ESR1: variants seen among roughly 807,000 people sequenced by gnomAD.
ESR1 encodes estrogen receptor 1.
A neutral mutation model predicts 52.7 loss-of-function variants in ESR1; 12 were observed. The ratio of observed to expected loss-of-function variants is 0.23; its 90% CI spans 0.15 to 0.37. The LOEUF is 0.37. Ranked by LOEUF, ESR1 falls within the 10% of genes least tolerant of loss-of-function variation. ESR1 has a pLI of 1.00. For synonymous variants in ESR1, 305 were observed against 316.8 expected, an observed-to-expected ratio of 0.96 and a Z score of 0.39; for missense variants, 584 against 779.7, an observed-to-expected ratio of 0.75 and a Z score of 2.99.
intron 2 of ESR1, among the ~76,000 whole-genome samples, chr6:151,736,039 T>A (rs1485524410): frequency 1.3e-5 from 2 of 152,224 alleles, no homozygotes; most frequent in East Asian, 3.8e-4. Flanking sequence ...CATGTGGAAC[T>A]GTTGAGTCAA....
chr6:151,974,441 C>T (rs1346892339), intron 4 of ESR1, among the ~76,000 whole-genome samples: 1 of 152,200 alleles, frequency 6.6e-6, no homozygotes, highest in Non-Finnish European at 1.5e-5. Context: ...AACACGTGGT[C>T]TGATTACAGG....
chr6:152,116,531 A>G (rs1053921411), intron 6 of ESR1, among the ~76,000 whole-genome samples: 12 of 152,360 alleles, frequency 7.9e-5, no homozygotes, highest in South Asian at 6.2e-4. Context: ...GAGATGATGT[A>G]GAGAGAGTAG....
chr6:151,680,006 ACTTT>A (rs1348001636), intron 1 of ESR1, among the ~76,000 whole-genome samples: 2 of 151,354 alleles, frequency 1.3e-5, no homozygotes, highest in Non-Finnish European at 2.9e-5. Context: ...TCACCATCTG[ACTTT>A]CTTTCTATAT....
At chr6:152,011,371 A>C (rs2042752088) in intron 4 of ESR1, among the ~76,000 whole-genome samples, 1 of 152,198 alleles carries the variant, frequency 6.6e-6, no homozygotes, top group African/African-American at 2.4e-5. Context: ...ACAAGTTTTC[A>C]CACTGAGTAT....
At chr6:151,755,629 CTTTT>C (rs1784226200) in intron 2 of ESR1, among the ~76,000 whole-genome samples, 1 of 150,098 alleles carries the variant, frequency 6.7e-6, no homozygotes, top group African/African-American at 2.5e-5. Context: ...TCTTTTCTTT[CTTTT>C]TCTTTTCTTT....
intron 1 of ESR1, among the ~76,000 whole-genome samples, chr6:151,691,791 C>T (rs1005260705): frequency 3.3e-5 from 5 of 152,176 alleles, no homozygotes; most frequent in Admixed American, 6.5e-5. Context: ...GTTTGAGAAC[C>T]ATGGATGGTT....
intron 2 of ESR1, among the ~76,000 whole-genome samples, chr6:151,761,462 T>G (rs141152437): frequency 6.0e-4 from 92 of 152,332 alleles, no homozygotes; most frequent in African/African-American, 2.1e-3. Context: ...TCACAGGTTT[T>G]TGGGCATATT....
At chr6:152,023,265 CT>C (rs1392222818) in intron 5 of ESR1, among the ~76,000 whole-genome samples, 1 of 152,142 alleles carries the variant, frequency 6.6e-6, no homozygotes, top group Admixed American at 6.6e-5. Context: ...GGCTCTAGTT[CT>C]TGATAGCAAC....
intron 4 of ESR1, among the ~76,000 whole-genome samples, chr6:151,977,990 G>C (rs1460538002): frequency 6.9e-6 from 1 of 144,090 alleles, no homozygotes; most frequent in Non-Finnish European, 1.5e-5. Context: ...CAAGGAAAGA[G>C]AGGGACAATA....
chr6:151,925,210 T>G (rs2128471549), intron 3 of ESR1, among the ~76,000 whole-genome samples: 2 of 152,350 alleles, frequency 1.3e-5, no homozygotes, highest in Middle Eastern at 3.4e-3. Context: ...TGGCTTTAAT[T>G]TACATTTCTC....
chr6:152,068,501 A>T (rs1363366380), intron 6 of ESR1, among the ~76,000 whole-genome samples: 8 of 151,368 alleles, frequency 5.3e-5, no homozygotes. Context: ...CAATTATCCC[A>T]GAGTGGTGCC....
intron 2 of ESR1, among the ~76,000 whole-genome samples, chr6:151,774,488 T>C (rs1785787511): frequency 6.6e-6 from 1 of 152,244 alleles, no homozygotes; most frequent in African/African-American, 2.4e-5. Context: ...TGGTTAGTGG[T>C]ACTACATTGT....
intron 2 of ESR1, among the ~76,000 whole-genome samples, chr6:151,794,767 C>T (rs575916614): frequency 1.4e-4 from 21 of 152,224 alleles, no homozygotes; most frequent in African/African-American, 4.3e-4. Context: ...CTGGTGTTAA[C>T]GTTCTCCACA....
chr6:151,902,293 C>A (rs1796809454), intron 3 of ESR1, among the ~76,000 whole-genome samples: 1 of 152,164 alleles, frequency 6.6e-6, no homozygotes, highest in Admixed American at 6.5e-5. Context: ...CAGTTTTGAT[C>A]TTGCTCTCAG....
At chr6:152,057,893 C>T (rs1437098865) in intron 5 of ESR1, among the ~76,000 whole-genome samples, 1 of 152,086 alleles carries the variant, frequency 6.6e-6, no homozygotes, top group African/African-American at 2.4e-5. Flanking sequence ...TACACTCTTG[C>T]TGGAAGAGTC....
intron 2 of ESR1, among the ~76,000 whole-genome samples, chr6:151,851,674 T>C (rs1786749817): frequency 6.6e-6 from 1 of 151,950 alleles, no homozygotes; most frequent in African/African-American, 2.4e-5. Context: ...ATTACAGGCG[T>C]CCACCACCAT....
intron 5 of ESR1, among the ~76,000 whole-genome samples, chr6:152,022,289 G>C (rs760073081): frequency 1.3e-5 from 2 of 152,176 alleles, no homozygotes; most frequent in Admixed American, 6.5e-5. Flanking sequence ...CGACTGAAAG[G>C]ATGGCAATGC....
chr6:151,891,551 A>C (rs1191338356), intron 3 of ESR1, among the ~76,000 whole-genome samples: 2 of 152,140 alleles, frequency 1.3e-5, no homozygotes, highest in Non-Finnish European at 2.9e-5. Flanking sequence ...AAAGAACTTA[A>C]AGATCATCTA....
intron 2 of ESR1, among the ~76,000 whole-genome samples, chr6:151,755,568 C>G (rs576487425): frequency 6.6e-6 from 1 of 152,266 alleles, no homozygotes; most frequent in Non-Finnish European, 1.5e-5. Flanking sequence ...CATGCTCTGT[C>G]CTGCCAGTCA....
Sources: allele counts gnomAD v4.1 joint callset (sites outside exome capture counted in the v4.1 genomes callset), GRCh38; gene constraint gnomAD v4.1.1; transcripts MANE v1.5; gene names NCBI Gene and HGNC (gene_info 2026-07-23, HGNC 2026-07-21).